The following WDR77 variants were observed in gnomAD, a reference collection of about 807,000 sequenced individuals.
WDR77 encodes the protein methylosome protein WDR77.
In WDR77, 31 loss-of-function variants were observed where a neutral mutation model predicts 44.0. The observed-to-expected ratio is 0.70, with a 90% CI of 0.53 to 0.95. WDR77 has a LOEUF of 0.95. WDR77 is among the 40% of genes least tolerant of loss of function. WDR77 has a pLI of 0.00. For synonymous variants in WDR77, 186 were observed against 165.7 expected (o/e 1.12, Z -0.94); for missense variants, 390 against 423.9 (o/e 0.92, Z 0.70).
In WDR77 at chr1:111,447,153, C is replaced by T. The variant is rs900852465; in HGVS notation, c.444-9G>A. Reference sequence around the variant, plus strand: ...GGTCCCAAACCTTGATGCTAAGAAGCAAAAGCAAACAGACATTTAATCTTG... The same window carrying T: ...GGTCCCAAACCTTGATGCTAAGAAGTAAAAGCAAACAGACATTTAATCTTG... On this transcript the variant is annotated splice_polypyrimidine_tract_variant and intron_variant, in intron 3 of 9. Coordinates refer to ENST00000235090, the MANE Select transcript of WDR77 (RefSeq NM_024102.4). 5 of 1,613,876 alleles carry T rather than the reference C, an allele frequency of 3.1e-6. No homozygotes were observed. The highest frequency in any genetic ancestry group is 1.6e-4 in the Middle Eastern group (1 of 6,084).
chr1:111,440,338 T>C lies in WDR77; in HGVS notation c.*892A>G, dbSNP rs1324919117. Reference sequence around the variant, plus strand: ...TGATTTTCTTCTTGATACTGGATTTTAAAACCTTAGAAGTCTATAAATACT... The same window carrying C: ...TGATTTTCTTCTTGATACTGGATTTCAAAACCTTAGAAGTCTATAAATACT... On this transcript the variant is annotated 3_prime_UTR_variant, in exon 10 of 10. Coordinates refer to ENST00000235090, the MANE Select transcript of WDR77 (RefSeq NM_024102.4). The C allele has an allele frequency of 6.6e-6, 1 of 152,250 alleles. No individual in the cohort carries two copies. Among genetic ancestry groups the C allele is most frequent in the Non-Finnish European group, 1.5e-5 (1 of 68,044 alleles). The allele number at this position is 152,250 out of a possible 1,614,324, so 9.4% of individuals were successfully genotyped here.
intron 4 of WDR77, among the ~76,000 whole-genome samples, chr1:111,446,337 A>G (rs1379320474): frequency 6.6e-6 from 1 of 152,196 alleles, no homozygotes; most frequent in African/African-American, 2.4e-5. Context: ...TAGTGCTGTT[A>G]ATGAAAGTGA....
chr1:111,444,798 G>A (rs1454562543), intron 4 of WDR77, among the ~76,000 whole-genome samples: 2 of 152,238 alleles, frequency 1.3e-5, no homozygotes, highest in African/African-American at 2.4e-5. Flanking sequence ...GTATGGCTCT[G>A]TGACTTAACT....
At chr1:111,443,013 CAGT>C (rs1343315475) in intron 7 of WDR77, among the ~76,000 whole-genome samples, 4 of 152,212 alleles carry the variant, frequency 2.6e-5, no homozygotes, top group Non-Finnish European at 5.9e-5. Context: ...CACCTACCCA[CAGT>C]AGGACAGAAT....
Position 111,443,879 on chromosome 1 carries a change from C to T in WDR77, c.607G>A (p.Ala203Thr), listed in dbSNP as rs2101743233. The T allele has an allele frequency of 6.2e-7, 1 of 1,614,120 alleles. No individual in the cohort carries two copies. Among genetic ancestry groups the T allele is most frequent in the Non-Finnish European group, 8.5e-7 (1 of 1,179,984 alleles). ...LLWDTRCPKP[A>T]SQIGCSAPGY... is the part of the protein sequence containing the mutation. ...ATCTCAGACTCACCAATCTGTGATG[C>T]TGGCTTGGGACAGCGGGTATCCCAG... The change falls in exon 6 of 10, where the codon GCA becomes ACA. Residue 203 changes from alanine to threonine, a missense_variant. Transcript: ENST00000235090.
At chr1:111,446,391 A>G (rs1653033212) in intron 4 of WDR77, among the ~76,000 whole-genome samples, 1 of 152,226 alleles carries the variant, frequency 6.6e-6, no homozygotes, top group Admixed American at 6.5e-5. Flanking sequence ...TCACCAGAAA[A>G]CAGACATTTT....
chr1:111,442,498 T>C (rs1474147350), intron 8 of WDR77, among the ~76,000 whole-genome samples, 155 bp downstream of exon 8: 1 of 152,232 alleles, frequency 6.6e-6, no homozygotes, highest in East Asian at 1.9e-4. Context: ...AGGATTCTAC[T>C]TCACACTTAA....
chr1:111,449,033 C>A (rs1232007165), intron 1 of WDR77, 22 bp downstream of exon 1: 2 of 1,563,480 alleles, frequency 1.3e-6, no homozygotes, highest in African/African-American at 2.7e-5. Flanking sequence ...AGGGAGCTCC[C>A]AGGCCCGGGA....
intron 4 of WDR77, among the ~76,000 whole-genome samples, chr1:111,445,070 T>C (rs574339803): frequency 6.6e-6 from 1 of 152,296 alleles, no homozygotes; most frequent in East Asian, 1.9e-4. Flanking sequence ...CACAATAAAT[T>C]ATATGCCAGA....
intron 4 of WDR77, among the ~76,000 whole-genome samples, 199 bp from the exon 5 acceptor site, chr1:111,444,323 TA>T (rs938873144): frequency 1.7e-4 from 25 of 145,964 alleles, no homozygotes; most frequent in Admixed American, 6.8e-4. Flanking sequence ...AAAAGCCTTG[TA>T]AAAAAAAAAC....
intron 6 of WDR77, 140 bp downstream of exon 6, chr1:111,443,727 T>C (rs1051567402): frequency 5.6e-5 from 84 of 1,494,034 alleles, no homozygotes; most frequent in Non-Finnish European, 7.0e-5. Context: ...AGAGCCTCAC[T>C]GGAAAAGAAG....
intron 4 of WDR77, among the ~76,000 whole-genome samples, chr1:111,446,036 G>A (rs1212351499): frequency 1.3e-5 from 2 of 152,206 alleles, no homozygotes; most frequent in Non-Finnish European, 2.9e-5. Flanking sequence ...CTCCCAAAGT[G>A]CTGGGATTAC....
Position 111,442,679 on chromosome 1 carries a change from G to A in WDR77, c.774C>T (p.Val258=), listed in dbSNP as rs1157101140. ...TGTGTGGGGAGAACACCAGCCCAGT[G>A]ACACACTGGGAGTGTACAGCTGAGC... ...VLSSAVHSQC[V]TGLVFSPHSV... Residue 258 remains valine, a synonymous_variant, in exon 8 of 10, where the codon GTC becomes GTT. Transcript: ENST00000235090. 1 of 1,587,024 alleles carries A rather than the reference G, an allele frequency of 6.3e-7. No homozygotes were observed. Among genetic ancestry groups the A allele is most frequent in the East Asian group, 2.3e-5 (1 of 44,056 alleles).
chr1:111,446,551 CA>C (rs1268010200), intron 4 of WDR77, among the ~76,000 whole-genome samples: 1 of 151,960 alleles, frequency 6.6e-6, no homozygotes. Flanking sequence ...CCACAGGCCA[CA>C]AGAAACTAAT....
chr1:111,442,156 G>A (rs780283547), intron 8 of WDR77, 63 bp from the exon 9 acceptor site: 1 of 1,529,750 alleles, frequency 6.5e-7, no homozygotes, highest in South Asian at 1.1e-5. Context: ...AACCTTAACT[G>A]GGCCGGCCCT....
intron 9 of WDR77, chr1:111,441,725 G>T: frequency 3.0e-6 from 2 of 671,774 alleles, no homozygotes; most frequent in East Asian, 3.6e-5. Flanking sequence ...CATTTCATAC[G>T]CAGTTCTTTA....
At chr1:111,443,229 G>A in intron 7 of WDR77, 94 bp downstream of exon 7, 1 of 1,272,958 alleles carries the variant, frequency 7.9e-7, no homozygotes, top group South Asian at 1.4e-5. Context: ...GGCTAAGACT[G>A]AGCAACAAGG....
chr1:111,442,248 G>A, intron 8 of WDR77, 155 bp from the exon 9 acceptor site: 1 of 678,332 alleles, frequency 1.5e-6, no homozygotes, highest in East Asian at 2.7e-5. Context: ...CACACTAAAA[G>A]TTTCAAGTAA....
At chr1:111,447,793 C>T (rs1653110646) in intron 2 of WDR77, among the ~76,000 whole-genome samples, 1 of 152,166 alleles carries the variant, frequency 6.6e-6, no homozygotes, top group African/African-American at 2.4e-5. Flanking sequence ...CAAGTAGGTG[C>T]AGAAAGCTTC....
Sources: allele counts gnomAD v4.1 joint callset (sites outside exome capture counted in the v4.1 genomes callset), GRCh38; gene constraint gnomAD v4.1.1; transcripts MANE v1.5; gene names NCBI Gene and HGNC (gene_info 2026-07-23, HGNC 2026-07-21).